The following MON1B variants were observed in gnomAD, a reference collection of about 807,000 sequenced individuals.
The protein encoded by MON1B is MON1 vesicular trafficking associated B.
Under a neutral mutation model 45.1 loss-of-function variants are expected in MON1B, and 26 were observed. The ratio of observed to expected loss-of-function variants is 0.58; its 90% CI spans 0.42 to 0.80. MON1B has a LOEUF of 0.80. Ranked by LOEUF, MON1B falls within the 30% of genes least tolerant of loss-of-function variation. MON1B has a pLI of 0.00. For synonymous variants in MON1B, 395 were observed against 320.2 expected, an observed-to-expected ratio of 1.23 and a Z score of -2.49; for missense variants, 737 against 754.5, an observed-to-expected ratio of 0.98 and a Z score of 0.27.
In MON1B at chr16:77,200,291, T is replaced by TATATATATATATATATATATATATAC; in HGVS notation, c.*1984_*1985insTATATATATATATATATATATATACA. On this transcript the variant is annotated 3_prime_UTR_variant, in exon 6 of 6. Transcript: ENST00000248248. ...ATATATGTGTATATATATATATATA[T>TATATATATATATATATATATATATAC]ACACACACTAATCAGCCGGGCGCGG... is the stretch of plus-strand genomic sequence containing the variant. The TATATATATATATATATATATATATAC allele has an allele frequency of 8.9e-3, 977 of 109,956 alleles. 34 individuals carry two copies. The highest frequency in any genetic ancestry group is 0.013 in the South Asian group (48 of 3,636). 6.8% of individuals were successfully genotyped at this position (109,956 alleles called of 1,614,324 possible). A position where few individuals can be genotyped will look rare whatever the true frequency, so the allele number is the denominator to read the frequency against.
Position 77,200,424 on chromosome 16 carries a change from C to G in MON1B, c.*2116C>G, listed in dbSNP as rs1441504771. On this transcript the variant is annotated 3_prime_UTR_variant, in exon 6 of 6. Coordinates refer to ENST00000248248, the MANE Select transcript of MON1B (RefSeq NM_014940.4). Reference sequence around the variant, plus strand: ...CCGAGATCATGTCACTGCACTCCAGCCTGGGTGACAGAGTGAGACTCCGTC... The same window carrying G: ...CCGAGATCATGTCACTGCACTCCAGGCTGGGTGACAGAGTGAGACTCCGTC... The G allele has an allele frequency of 6.6e-6, 1 of 151,236 alleles. No individual in the cohort carries two copies. Among genetic ancestry groups the G allele is most frequent in the Non-Finnish European group, 1.5e-5 (1 of 67,866 alleles). The allele number at this position is 151,236 out of a possible 1,614,324, so 9.4% of individuals were successfully genotyped here. A position where few individuals can be genotyped will look rare whatever the true frequency, so the allele number is the denominator to read the frequency against.
intron 5 of MON1B, among the ~76,000 whole-genome samples, chr16:77,196,420 A>T (rs12929942): frequency 6.6e-6 from 1 of 152,150 alleles, no homozygotes; most frequent in African/African-American, 2.4e-5. Context: ...ACGCCTGGTC[A>T]GATGGTGGTT....
Position 77,194,873 on chromosome 16 carries a change from C to G in MON1B, c.1014C>G (p.Ala338=). Residue 338 remains alanine, a synonymous_variant, in exon 4 of 6, where the codon GCC becomes GCG. Coordinates refer to ENST00000248248, the MANE Select transcript of MON1B (RefSeq NM_014940.4). This position sits in a 1 kb window ranked among gnomAD's most constrained non-coding sequence, Gnocchi z 8.1. The stretch of plus-strand genomic sequence containing the variant: ...TCAACCCTGATGGTTTTTTCTACGC[C>G]TACGTGGCCCGCCTGGATGCTATGC... ...PRFNPDGFFY[A]YVARLDAMPV... is the part of the protein sequence containing the mutation. 6.2e-7 allele frequency: 1 copy of G among 1,611,986 alleles called. No homozygotes were observed. The highest frequency in any genetic ancestry group is 1.1e-5 in the South Asian group (1 of 91,092).
Position 77,200,274 on chromosome 16 carries a change from G to GTGTATATATATATATA in MON1B, c.*1967_*1968insGTATATATATATATAT, listed in dbSNP as rs1254014728. On this transcript the variant is annotated 3_prime_UTR_variant, in exon 6 of 6. Coordinates refer to ENST00000248248, the MANE Select transcript of MON1B (RefSeq NM_014940.4). ...TATATGTGTATATATATATATATGT[G>GTGTATATATATATATA]TATATATATATATATATACACACAC... The GTGTATATATATATATA allele has an allele frequency of 5.3e-5, 6 of 113,578 alleles. No individual in the cohort carries two copies. Among genetic ancestry groups the GTGTATATATATATATA allele is most frequent in the African/African-American group, 2.1e-4 (6 of 28,578 alleles). The allele number at this position is 113,578 out of a possible 1,614,324, so 7.0% of individuals were successfully genotyped here.
At position 77,191,337 on chromosome 16, in the gene MON1B, G is replaced by T. The variant is rs190582698; in HGVS notation, c.-11+79G>T. 2.6e-6 allele frequency: 4 copies of T among 1,553,424 alleles called. No individual in the cohort carries two copies. In the South Asian group the frequency reaches 4.7e-5, roughly 18 times the overall value. On this transcript the variant is annotated intron_variant, in intron 1 of 5. Transcript: ENST00000248248. ...AGTGTTGGAGGGGGGACGTATTTGG[G>T]CATGATTTTGGATGTCTCGTCCTAT...
At position 77,199,292 on chromosome 16, in the gene MON1B, G is replaced by T; in HGVS notation, c.*984G>T. The T allele has an allele frequency of 3.1e-6, 2 of 649,244 alleles. No individual in the cohort carries two copies. Among genetic ancestry groups the T allele is most frequent in the Non-Finnish European group, 5.4e-6 (2 of 367,830 alleles). 40.2% of individuals were successfully genotyped at this position (649,244 alleles called of 1,614,324 possible). A position where few individuals can be genotyped will look rare whatever the true frequency, so the allele number is the denominator to read the frequency against. On this transcript the variant is annotated 3_prime_UTR_variant, in exon 6 of 6. Coordinates refer to ENST00000248248, the MANE Select transcript of MON1B (RefSeq NM_014940.4). ...TGTAGCATGTGTGCTGGCAATCAGGGCCGCAGTGTGTTCTGCGCCTGCCCA... is the reference window on the plus strand; with the variant it reads ...TGTAGCATGTGTGCTGGCAATCAGGTCCGCAGTGTGTTCTGCGCCTGCCCA...
Position 77,193,985 on chromosome 16 carries a change from C to T in MON1B, c.475+208C>T, listed in dbSNP as rs576361120. On this transcript the variant is annotated intron_variant, in intron 3 of 5. Transcript: ENST00000248248. This position sits in a 1 kb window ranked among gnomAD's most constrained non-coding sequence, Gnocchi z 5.0. ...TTCTTAGTGATTGACTTGCTGGGAT[C>T]TCAGTGACTAGCTGGATACTTCTGT... 41 of 615,522 alleles carry T rather than the reference C, an allele frequency of 6.7e-5. No individual in the cohort carries two copies. The highest frequency in any genetic ancestry group is 1.1e-4 in the Non-Finnish European group (37 of 351,262). The allele number at this position is 615,522 out of a possible 1,614,324, so 38.1% of individuals were successfully genotyped here.
rs1567424130 is a variant in MON1B, at chr16:77,202,302, GA to G, written c.*3997del. 6.6e-6 allele frequency: 1 copy of G among 152,158 alleles called. No individual in the cohort carries two copies. Among genetic ancestry groups the G allele is most frequent in the Non-Finnish European group, 1.5e-5 (1 of 68,016 alleles). 9.4% of individuals were successfully genotyped at this position (152,158 alleles called of 1,614,324 possible). On this transcript the variant is annotated 3_prime_UTR_variant, in exon 6 of 6. Transcript: ENST00000248248. The stretch of plus-strand genomic sequence containing the variant: ...ATTGTTCAGAATCACTCACAAATGG[GA>G]AATCTGATATAAGGACAAAATGGGA...
At chr16:77,192,643 T>G (rs2054625775) in intron 2 of MON1B, among the ~76,000 whole-genome samples, 1 of 152,080 alleles carries the variant, frequency 6.6e-6, no homozygotes, top group African/African-American at 2.4e-5. Context: ...GGGGAGTGAC[T>G]GAAGGTCTCT....
chr16:77,200,040 A>C lies in MON1B; in HGVS notation c.*1732A>C, dbSNP rs1277682847. Reference sequence around the variant, plus strand: ...AAATTGTATTCCATCCAAAAGAAAAAAAAATCTCAGGCCGGGCACGGAGGC... The same window carrying C: ...AAATTGTATTCCATCCAAAAGAAAACAAAATCTCAGGCCGGGCACGGAGGC... On this transcript the variant is annotated 3_prime_UTR_variant, in exon 6 of 6. Coordinates refer to ENST00000248248, the MANE Select transcript of MON1B (RefSeq NM_014940.4). 2.0e-5 allele frequency: 3 copies of C among 151,778 alleles called. No homozygotes were observed. The highest frequency in any genetic ancestry group is 7.3e-5 in the African/African-American group (3 of 41,116). The allele number at this position is 151,778 out of a possible 1,614,324, so 9.4% of individuals were successfully genotyped here. A position where few individuals can be genotyped will look rare whatever the true frequency, so the allele number is the denominator to read the frequency against.
Position 77,194,514 on chromosome 16 carries a change from C to T in MON1B, c.655C>T (p.Arg219Cys), listed in dbSNP as rs911105780. Reference protein sequence around the residue: ...IFAHKQNYDLRRLLAGSERTL... With the variant: ...IFAHKQNYDLCRLLAGSERTL... ...CGCACACAAGCAGAACTATGACCTC[C>T]GCCGCCTGCTGGCTGGTTCAGAGCG... Residue 219 changes from arginine (R) to cysteine (C), a missense_variant, in exon 4 of 6, where the codon CGC (arginine) becomes TGC (cysteine). Physicochemically the swap from Arg to Cys is radical, Grantham distance 180. Transcript: ENST00000248248. This position sits in a 1 kb window ranked among gnomAD's most constrained non-coding sequence, Gnocchi z 8.1. 3.1e-6 allele frequency: 5 copies of T among 1,613,978 alleles called. No homozygotes were observed. The highest frequency in any genetic ancestry group is 1.3e-5 in the African/African-American group (1 of 74,938).
Position 77,198,553 on chromosome 16 carries a change from CCT to C in MON1B, c.*248_*249del. 1.8e-6 allele frequency: 1 copy of C among 547,306 alleles called. No individual in the cohort carries two copies. Among genetic ancestry groups the C allele is most frequent in the Non-Finnish European group, 3.3e-6 (1 of 303,698 alleles). The allele number at this position is 547,306 out of a possible 1,614,324, so 33.9% of individuals were successfully genotyped here. On this transcript the variant is annotated 3_prime_UTR_variant, in exon 6 of 6. Transcript: ENST00000248248. ...AATCCTTAGGCCTCCCTCTCCCTTC[CCT>C]CTGTCTCATCTCCTCCACTTGGATG...
rs917551165 is a variant in MON1B, at chr16:77,191,271, C to G, written c.-11+13C>G. On this transcript the variant is annotated intron_variant, in intron 1 of 5. Transcript: ENST00000248248. Reference sequence around the variant, plus strand: ...GGAGTTAAAACAGGTGTTTGTATATCTCTATTTCCTGAGGCCCAGTAGAGT... The same window carrying G: ...GGAGTTAAAACAGGTGTTTGTATATGTCTATTTCCTGAGGCCCAGTAGAGT... 2 of 1,541,590 alleles carry G rather than the reference C, an allele frequency of 1.3e-6. No homozygotes were observed. The highest frequency in any genetic ancestry group is 1.2e-5 in the South Asian group (1 of 84,082).
Position 77,195,084 on chromosome 16 carries a change from G to A in MON1B, c.1225G>A (p.Gly409Ser). 6.2e-7 allele frequency: 1 copy of A among 1,603,842 alleles called. No homozygotes were observed. The highest frequency in any genetic ancestry group is 8.5e-7 in the Non-Finnish European group (1 of 1,179,710). The change falls in exon 4 of 6, where the codon GGC (glycine) becomes AGC (serine). Residue 409 changes from glycine (G) to serine (S), a missense_variant. Coordinates refer to ENST00000248248, the MANE Select transcript of MON1B (RefSeq NM_014940.4). ...AYSVQAVGAPGLRHFLYKPLD... is the reference protein window; with the variant it reads ...AYSVQAVGAPSLRHFLYKPLD... The stretch of plus-strand genomic sequence containing the variant: ...CAGCGTGCAGGCTGTCGGGGCGCCG[G>A]GCCTCCGGCACTTCCTGTATAAGCC...
chr16:77,191,561 G>C lies in MON1B; in HGVS notation c.76G>C (p.Glu26Gln). The C allele has an allele frequency of 1.2e-6, 2 of 1,609,016 alleles. No individual in the cohort carries two copies. Among genetic ancestry groups the C allele is most frequent in the Non-Finnish European group, 8.5e-7 (1 of 1,178,722 alleles). Reference sequence around the variant, plus strand: ...CTTGGAGGACACGCAGTTCCCCAGTGAGGAAGCTAGAGAAGGTGGAGGGGT... The same window carrying C: ...CTTGGAGGACACGCAGTTCCCCAGTCAGGAAGCTAGAGAAGGTGGAGGGGT... ...EDLEDTQFPS[E>Q]EAREGGGVHA... Residue 26 changes from glutamate (E) to glutamine (Q), a missense_variant, in exon 2 of 6, where the codon GAG (glutamate) becomes CAG (glutamine). Glu to Gln is a conservative substitution (Grantham distance 29). Coordinates refer to ENST00000248248, the MANE Select transcript of MON1B (RefSeq NM_014940.4).
At position 77,195,477 on chromosome 16, in the gene MON1B, G is replaced by C. The variant is rs1597376474; in HGVS notation, c.1296-58G>C. On this transcript the variant is annotated intron_variant, in intron 4 of 5. Coordinates refer to ENST00000248248, the MANE Select transcript of MON1B (RefSeq NM_014940.4). ...AAATCTCTAGACTGAGGGAGGAAATGGGCCAGCCAAGAAGGCCCTGGACTA... is the reference window on the plus strand; with the variant it reads ...AAATCTCTAGACTGAGGGAGGAAATCGGCCAGCCAAGAAGGCCCTGGACTA... 6 of 1,536,792 alleles carry C rather than the reference G, an allele frequency of 3.9e-6. No homozygotes were observed. In the East Asian group the frequency reaches 9.2e-5, roughly 24 times the overall value.
At chr16:77,191,307 C>T (rs1567416924) in intron 1 of MON1B, 49 bp downstream of exon 1, 19 of 1,532,468 alleles carry the variant, frequency 1.2e-5, no homozygotes, top group Non-Finnish European at 1.6e-5. Flanking sequence ...CTCCTCTTTT[C>T]GGAAAGTGTT....
rs992823470 is a variant in MON1B, at chr16:77,195,252, A to T, written c.1295+98A>T. 13 of 1,238,138 alleles carry T rather than the reference A, an allele frequency of 1.0e-5. No homozygotes were observed. The African/African-American group carries it at 2.0e-4, about 19-fold the overall frequency. 76.7% of individuals were successfully genotyped at this position (1,238,138 alleles called of 1,614,324 possible). Reference sequence around the variant, plus strand: ...TGTGACTCAGGAGAGATAACCAGCCATGCTTAAGAAAGAGGGAAGAGAACA... The same window carrying T: ...TGTGACTCAGGAGAGATAACCAGCCTTGCTTAAGAAAGAGGGAAGAGAACA... On this transcript the variant is annotated intron_variant, in intron 4 of 5. Transcript: ENST00000248248.
In MON1B at chr16:77,193,489, C is replaced by G; in HGVS notation, c.187C>G (p.Pro63Ala). 1 of 1,592,404 alleles carries G rather than the reference C, an allele frequency of 6.3e-7. No homozygotes were observed. The highest frequency in any genetic ancestry group is 8.6e-7 in the Non-Finnish European group (1 of 1,167,432). ...GGACCAGCCACCCAGCCCATCACCA[C>G]CGCCCCAGTCAGAGGCCCTGTCAAG... ...DKDQPPSPSP[P>A]PQSEALSSTS... The change falls in exon 3 of 6, where the codon CCG (proline) becomes GCG (alanine). Residue 63 changes from proline to alanine, a missense_variant. Coordinates refer to ENST00000248248, the MANE Select transcript of MON1B (RefSeq NM_014940.4). The surrounding 1 kb of genome is among the most constrained non-coding windows in gnomAD (Gnocchi z 5.0).
Sources: allele counts gnomAD v4.1 joint callset (sites outside exome capture counted in the v4.1 genomes callset), GRCh38; gene constraint gnomAD v4.1.1; non-coding constraint Gnocchi (gnomAD v3.1); transcripts MANE v1.5; gene names NCBI Gene and HGNC (gene_info 2026-07-23, HGNC 2026-07-21).